CCDC170: variants seen among roughly 807,000 people sequenced by gnomAD.
CCDC170 encodes coiled-coil domain-containing protein 170.
In CCDC170, 69 loss-of-function variants were observed where a neutral mutation model predicts 72.6. The observed-to-expected ratio is 0.95, with a 90% CI of 0.78 to 1.16. The LOEUF (loss-of-function observed/expected upper bound fraction) is 1.16, where lower values mean the gene tolerates loss of function less well. Among genes scored for constraint, CCDC170 ranks in the 50% most tolerant of loss-of-function variants. The pLI is 0.00. For synonymous variants in CCDC170, 300 were observed against 303.9 expected (o/e 0.99, Z 0.13); for missense variants, 852 against 832.5 (o/e 1.02, Z -0.29).
intron 2 of CCDC170, among the ~76,000 whole-genome samples, chr6:151,537,281 T>C (rs1413019888): frequency 3.3e-5 from 5 of 152,204 alleles, no homozygotes; most frequent in African/African-American, 1.2e-4. Context: ...AGTTCTAGAC[T>C]GGCCTGTGAT....
rs996967842 is a variant in CCDC170, at chr6:151,586,010, A to G, written c.1214A>G (p.Gln405Arg). 19 of 1,614,096 alleles carry G rather than the reference A, an allele frequency of 1.2e-5. No individual in the cohort carries two copies. Among genetic ancestry groups the G allele is most frequent in the Non-Finnish European group, 1.6e-5 (19 of 1,180,032 alleles). ...GCAGAGAATATGTTGGAGACTCTTCAGGGTCAGCTGACACACCTGGAGGCA... is the reference window on the plus strand; with the variant it reads ...GCAGAGAATATGTTGGAGACTCTTCGGGGTCAGCTGACACACCTGGAGGCA... ...QKAENMLETL[Q>R]GQLTHLEAEL... Residue 405 changes from glutamine (Q) to arginine (R), a missense_variant, in exon 7 of 11, where the codon CAG (glutamine) becomes CGG (arginine). Gln to Arg is a conservative substitution (Grantham distance 43). Coordinates refer to ENST00000239374, the MANE Select transcript of CCDC170 (RefSeq NM_025059.4).
At chr6:151,518,186 G>T (rs905532421) in intron 1 of CCDC170, among the ~76,000 whole-genome samples, 1 of 152,132 alleles carries the variant, frequency 6.6e-6, no homozygotes, top group Non-Finnish European at 1.5e-5. Context: ...ATGTTTTTTA[G>T]TTTGTTAATG....
chr6:151,548,742 A>C (rs1212035323), intron 5 of CCDC170, among the ~76,000 whole-genome samples: 1 of 147,888 alleles, frequency 6.8e-6, no homozygotes, highest in Non-Finnish European at 1.5e-5. Flanking sequence ...ATTTTTGAGA[A>C]GGAGTCTCAC....
chr6:151,566,672 G>A (rs1383536130), intron 5 of CCDC170, among the ~76,000 whole-genome samples: 3 of 152,142 alleles, frequency 2.0e-5, no homozygotes, highest in African/African-American at 7.2e-5. Flanking sequence ...TCTTCTTTGT[G>A]TGTAGGAGAT....
chr6:151,557,427 CCATT>C (rs151163781), intron 5 of CCDC170, among the ~76,000 whole-genome samples: 2,773 of 150,668 alleles, frequency 0.018, 94 homozygotes, highest in African/African-American at 0.064. Context: ...AAAAAAAAAT[CCATT>C]CATCCGTTGG....
intron 6 of CCDC170, among the ~76,000 whole-genome samples, chr6:151,576,082 A>G (rs564608060): frequency 6.6e-6 from 1 of 152,352 alleles, no homozygotes; most frequent in South Asian, 2.1e-4. Flanking sequence ...CAACTTGACG[A>G]TGGTGTGAAA....
chr6:151,509,118 A>C (rs1397851830), intron 1 of CCDC170, among the ~76,000 whole-genome samples: 1 of 152,156 alleles, frequency 6.6e-6, no homozygotes, highest in Non-Finnish European at 1.5e-5. Context: ...AAGTGAAAAA[A>C]ATCCCATTTG....
chr6:151,595,507 TCTTA>T (rs1776607995), intron 8 of CCDC170, among the ~76,000 whole-genome samples: 1 of 152,114 alleles, frequency 6.6e-6, no homozygotes, highest in Non-Finnish European at 1.5e-5. Flanking sequence ...CCTTGGTATA[TCTTA>T]CTTTAAAAAT....
chr6:151,593,057 C>T, intron 7 of CCDC170, 50 bp from the exon 8 acceptor site: 1 of 1,570,300 alleles, frequency 6.4e-7, no homozygotes, highest in South Asian at 1.1e-5. Context: ...TGAGATCACT[C>T]ATTAACTTTG....
intron 1 of CCDC170, among the ~76,000 whole-genome samples, chr6:151,523,894 T>C (rs1782362887): frequency 6.6e-6 from 1 of 152,160 alleles, no homozygotes; most frequent in Non-Finnish European, 1.5e-5. Context: ...TCTCTTTGTG[T>C]GAGTTATCAC....
chr6:151,527,174 G>A (rs751615847), intron 1 of CCDC170, among the ~76,000 whole-genome samples: 21 of 150,268 alleles, frequency 1.4e-4, no homozygotes, highest in Non-Finnish European at 2.5e-4. Context: ...TGGGATTACA[G>A]GTGTGAGCCA....
intron 5 of CCDC170, among the ~76,000 whole-genome samples, chr6:151,563,546 C>G (rs1250277170): frequency 2.6e-5 from 4 of 152,112 alleles, no homozygotes; most frequent in Non-Finnish European, 5.9e-5. Context: ...TGCAAGAGAT[C>G]TAGTGGTACA....
intron 4 of CCDC170, among the ~76,000 whole-genome samples, chr6:151,547,840 T>A (rs1448125965): frequency 6.6e-6 from 1 of 152,248 alleles, no homozygotes; most frequent in East Asian, 1.9e-4. Context: ...CACTGAGCTG[T>A]TATTCAGAAT....
chr6:151,545,624 T>TG (rs112314622), intron 4 of CCDC170, among the ~76,000 whole-genome samples: 1 of 151,952 alleles, frequency 6.6e-6, no homozygotes, highest in African/African-American at 2.4e-5. Context: ...GTTGTTGTTT[T>TG]TTTTTTTTGT....
intron 10 of CCDC170, chr6:151,615,980 A>G (rs760055697): frequency 1.2e-5 from 3 of 260,156 alleles, no homozygotes; most frequent in Non-Finnish European, 2.2e-5. Flanking sequence ...AGTAACCACT[A>G]TGATTTACCC....
chr6:151,531,022 A>G (rs1782483818), intron 1 of CCDC170, among the ~76,000 whole-genome samples: 1 of 152,144 alleles, frequency 6.6e-6, no homozygotes, highest in Non-Finnish European at 1.5e-5. Flanking sequence ...CTGCTTACAC[A>G]TTTAAAAAAT....
intron 9 of CCDC170, among the ~76,000 whole-genome samples, chr6:151,602,847 T>C (rs4304175): frequency 0.66 from 99,235 of 150,718 alleles, 33,053 homozygotes; most frequent in Non-Finnish European, 0.72. Context: ...GTTGCCCAGG[T>C]TGGAGTGCAA....
chr6:151,563,026 C>T (rs564164264), intron 5 of CCDC170, among the ~76,000 whole-genome samples: 1 of 152,348 alleles, frequency 6.6e-6, no homozygotes, highest in African/African-American at 2.4e-5. Flanking sequence ...CAGTATGCCC[C>T]TCTGATGACT....
Position 151,517,920 on chromosome 6 carries a change from CT to C in CCDC170, c.58-18386del, listed in dbSNP as rs530942070. 8.3e-3 allele frequency among the ~76,000 whole-genome samples: 1,194 copies of C among 144,498 alleles called. 21 individuals are homozygous for C. Among genetic ancestry groups the C allele is most frequent in the African/African-American group, 0.025 (978 of 39,594 alleles). The allele number at this position is 144,498 out of a possible 152,430, so 94.8% of individuals were successfully genotyped here. A position where few individuals can be genotyped will look rare whatever the true frequency, so the allele number is the denominator to read the frequency against. On this transcript the variant is annotated intron_variant, in intron 1 of 10. Transcript: ENST00000239374. ...AATTTTTCTTTACGGCCATTTGCTT[CT>C]TTTTTTTTTTTCATTCTTTCTTGTT...
Sources: gnomAD v4.1 joint callset for allele counts (sites outside exome capture counted in the v4.1 genomes callset) on GRCh38, gnomAD v4.1.1 for gene constraint, MANE v1.5 for transcripts, NCBI Gene and HGNC (gene_info 2026-07-23, HGNC 2026-07-21) for gene names.